The following ZNF428 variants were observed in gnomAD, a reference collection of about 807,000 sequenced individuals.
ZNF428 encodes the protein zinc finger protein 428.
A neutral mutation model predicts 15.6 loss-of-function variants in ZNF428; 5 were observed. The ratio of observed to expected loss-of-function variants is 0.32; its 90% confidence interval spans 0.17 to 0.67. The LOEUF is 0.67. ZNF428 is among the 30% of genes least tolerant of loss of function. The pLI is 0.73. For missense variants in ZNF428, 237 were observed against 256.0 expected (o/e 0.93, Z 0.51); for synonymous variants, 97 against 102.2 (o/e 0.95, Z 0.31).
intron 1 of ZNF428, among the ~76,000 whole-genome samples, chr19:43,618,240 A>T (rs1973393011): frequency 6.6e-6 from 1 of 151,328 alleles, no homozygotes; most frequent in South Asian, 2.1e-4. Flanking sequence ...TCACCGTGTT[A>T]GCCAGGATGA....
intron 1 of ZNF428, among the ~76,000 whole-genome samples, chr19:43,618,636 C>G (rs1332730076): frequency 6.9e-6 from 1 of 144,064 alleles, no homozygotes; most frequent in Non-Finnish European, 1.5e-5. Flanking sequence ...TCTTGAACTC[C>G]TGGTCTCAAG....
rs922841653 is a variant in ZNF428 at position 43,607,443 on chromosome 19, C to G, written c.*174G>C. Reference sequence around the variant, plus strand: ...CACACACACACACACACACTCTGAACCAACACACACAGATACAGATTTTGG... The same window carrying G: ...CACACACACACACACACACTCTGAAGCAACACACACAGATACAGATTTTGG... On this transcript the variant is annotated 3_prime_UTR_variant, in exon 3 of 3. Coordinates refer to ENST00000300811, the MANE Select transcript of ZNF428 (RefSeq NM_182498.4). This position sits in a 1 kb window ranked among gnomAD's most constrained non-coding sequence, Gnocchi z 5.1. 10 of 771,736 alleles carry G rather than the reference C, an allele frequency of 1.3e-5. No individual in the cohort carries two copies. Among genetic ancestry groups the G allele is most frequent in the Admixed American group, 3.2e-5 (1 of 31,018 alleles). 47.8% of individuals were successfully genotyped at this position (771,736 alleles called of 1,614,324 possible).
chr19:43,618,135 C>T (rs923755826), intron 1 of ZNF428, among the ~76,000 whole-genome samples: 1 of 145,150 alleles, frequency 6.9e-6, no homozygotes, highest in African/African-American at 2.6e-5. Flanking sequence ...CCTGGGTTCA[C>T]GCCATTCTCC....
rs139245837 is a variant in ZNF428 at position 43,608,034 on chromosome 19, C to T, written c.150G>A (p.Glu50=). The T allele has an allele frequency of 1.2e-5, 19 of 1,613,746 alleles. No individual in the cohort carries two copies. The African/African-American group carries it at 1.5e-4, about 12-fold the overall frequency. Residue 50 remains glutamate (E), a synonymous_variant, in exon 3 of 3, where the codon GAG becomes GAA. Transcript: ENST00000300811. ...PDSEEEEDEE[E]EEEETTDDPE... is the part of the protein sequence containing the mutation. ...GATCGTCAGTGGTCTCCTCTTCCTC[C>T]TCCTCCTCATCTTCTTCCTCTTCGG...
Position 43,613,329 on chromosome 19 carries a change from G to A in ZNF428, c.76+900C>T, listed in dbSNP as rs1210579058. ...CCCAACAAGCAGAGAGATCACAGCC[G>A]ATCTAGAAGTCCCAACAAGGCGAGA... On this transcript the variant is annotated intron_variant, in intron 2 of 2. Coordinates refer to ENST00000300811, the MANE Select transcript of ZNF428 (RefSeq NM_182498.4). The A allele has an allele frequency of 2.2e-5, 34 of 1,551,028 alleles. No individual in the cohort carries two copies. The highest frequency in any genetic ancestry group is 9.6e-5 in the African/African-American group (7 of 72,932).
At chr19:43,613,915 C>G in intron 2 of ZNF428, 1 of 1,551,652 alleles carries the variant, frequency 6.4e-7, no homozygotes, top group Non-Finnish European at 8.7e-7. Context: ...GATCTAGAAG[C>G]CCCAATAAGC....
chr19:43,609,359 G>GTAGAGAGAGAGAGAGA (rs1555775012), intron 2 of ZNF428, among the ~76,000 whole-genome samples: 2 of 81,762 alleles, frequency 2.4e-5, no homozygotes, highest in African/African-American at 7.3e-5. Flanking sequence ...CTGTGGCCAT[G>GTAGAGAGAGAGAGAGA]GAGAGAGAGA....
intron 1 of ZNF428, among the ~76,000 whole-genome samples, chr19:43,617,698 TTTTG>T (rs1182564501): frequency 1.3e-5 from 2 of 152,190 alleles, no homozygotes; most frequent in Admixed American, 6.5e-5. Flanking sequence ...CAATTAATTT[TTTTG>T]TTTGTTTTTG....
intron 2 of ZNF428, among the ~76,000 whole-genome samples, chr19:43,611,249 G>A (rs1010683352): frequency 7.9e-5 from 12 of 152,090 alleles, no homozygotes; most frequent in African/African-American, 2.9e-4. Context: ...GTGAGTGGAT[G>A]ATAGTGGCCC....
At position 43,612,870 on chromosome 19, in the gene ZNF428, T is replaced by A. The variant is rs1286213344; in HGVS notation, c.76+1359A>T. The stretch of plus-strand genomic sequence containing the variant: ...GTGAAGAGCTACGGTCAGATGATCA[T>A]CCCCAGTAGGGAAAAGAGTTACAGC... On this transcript the variant is annotated intron_variant, in intron 2 of 2. Coordinates refer to ENST00000300811, the MANE Select transcript of ZNF428 (RefSeq NM_182498.4). This position sits in a 1 kb window ranked among gnomAD's most constrained non-coding sequence, Gnocchi z 4.2. 1.0e-5 allele frequency: 16 copies of A among 1,551,368 alleles called. No homozygotes were observed. The highest frequency in any genetic ancestry group is 1.3e-5 in the Non-Finnish European group (15 of 1,146,968).
rs1973249672 is a variant in ZNF428 at position 43,607,416 on chromosome 19, T to C, written c.*201A>G. 1 of 530,912 alleles carries C rather than the reference T, an allele frequency of 1.9e-6. No homozygotes were observed. Among genetic ancestry groups the C allele is most frequent in the African/African-American group, 2.0e-5 (1 of 50,164 alleles). 32.9% of individuals were successfully genotyped at this position (530,912 alleles called of 1,614,324 possible). ...ACACAAACACACACACGGGCGGGAA[T>C]ACACACACACACACACACACTCTGA... On this transcript the variant is annotated 3_prime_UTR_variant, in exon 3 of 3. Coordinates refer to ENST00000300811, the MANE Select transcript of ZNF428 (RefSeq NM_182498.4). This position sits in a 1 kb window ranked among gnomAD's most constrained non-coding sequence, Gnocchi z 5.1.
rs1600088663 is a variant in ZNF428 at position 43,614,358 on chromosome 19, T to C, written c.-54A>G. On this transcript the variant is annotated 5_prime_UTR_variant, in exon 2 of 3. Coordinates refer to ENST00000300811, the MANE Select transcript of ZNF428 (RefSeq NM_182498.4). ...CAGAGCAGCAGCTGAGCAGCGTCCCTCCCCGGCCAGCTCTCCACAGCCACA... is the reference window on the plus strand; with the variant it reads ...CAGAGCAGCAGCTGAGCAGCGTCCCCCCCCGGCCAGCTCTCCACAGCCACA... 6.5e-7 allele frequency: 1 copy of C among 1,539,366 alleles called. No homozygotes were observed. The highest frequency in any genetic ancestry group is 1.4e-5 in the African/African-American group (1 of 72,676).
In ZNF428 at chr19:43,607,918, G is replaced by T; in HGVS notation, c.266C>A (p.Pro89Gln). Residue 89 changes from proline to glutamine, a missense_variant, in exon 3 of 3, where the codon CCG (proline) becomes CAG (glutamine). Pro to Gln is a moderately conservative substitution (Grantham distance 76, BLOSUM62 -1). Coordinates refer to ENST00000300811, the MANE Select transcript of ZNF428 (RefSeq NM_182498.4). This position sits in a 1 kb window ranked among gnomAD's most constrained non-coding sequence, Gnocchi z 5.1. ...GCCACAGAGCTGGCAAGGCTGGGCC[G>T]GGGGCTGGGCTGCACGGGGGGCCCG... ...SRRAPRAAQPPAQPCQLCGRS... is the reference protein window; with the variant it reads ...SRRAPRAAQPQAQPCQLCGRS... The T allele has an allele frequency of 6.4e-7, 1 of 1,570,398 alleles. No homozygotes were observed. The highest frequency in any genetic ancestry group is 8.6e-7 in the Non-Finnish European group (1 of 1,157,772).
At chr19:43,609,882 C>T (rs1973277928) in intron 2 of ZNF428, among the ~76,000 whole-genome samples, 1 of 152,110 alleles carries the variant, frequency 6.6e-6, no homozygotes, top group South Asian at 2.1e-4. Context: ...GTACCAGCTT[C>T]TTCGGCCTTG....
At chr19:43,613,681 T>G (rs767742583) in intron 2 of ZNF428, 9 of 1,550,210 alleles carry the variant, frequency 5.8e-6, no homozygotes, top group Non-Finnish European at 7.8e-6. Flanking sequence ...AAGAGAGAGA[T>G]CACAGACGAT....
Position 43,607,939 on chromosome 19 carries a change from G to GC in ZNF428, c.244dup (p.Ala82GlyfsTer46). ...GGCCGGGGGCTGGGCTGCACGGGGG[G>GC]CCCGGCGGGATGGGCCACCACGGCC... On this transcript the variant is annotated frameshift_variant, in exon 3 of 3. Coordinates refer to ENST00000300811, the MANE Select transcript of ZNF428 (RefSeq NM_182498.4). LOFTEE classifies it high-confidence loss of function. The surrounding 1 kb of genome is among the most constrained non-coding windows in gnomAD (Gnocchi z 5.1). 3 of 1,580,144 alleles carry GC rather than the reference G, an allele frequency of 1.9e-6. No homozygotes were observed. The highest frequency in any genetic ancestry group is 2.6e-6 in the Non-Finnish European group (3 of 1,163,192).
Position 43,612,097 on chromosome 19 carries a change from G to C in ZNF428, c.76+2132C>G. 2.0e-6 allele frequency: 3 copies of C among 1,525,228 alleles called. No individual in the cohort carries two copies. Among genetic ancestry groups the C allele is most frequent in the Non-Finnish European group, 8.9e-7 (1 of 1,124,136 alleles). 94.5% of individuals were successfully genotyped at this position (1,525,228 alleles called of 1,614,324 possible). On this transcript the variant is annotated intron_variant, in intron 2 of 2. Transcript: ENST00000300811. The surrounding 1 kb of genome is among the most constrained non-coding windows in gnomAD (Gnocchi z 4.2). ...GTTTCATGTCTACTGTGACTTCCAGGACCACAAGCCCTTTTGCGCCCACCA... is the reference window on the plus strand; with the variant it reads ...GTTTCATGTCTACTGTGACTTCCAGCACCACAAGCCCTTTTGCGCCCACCA...
rs779920302 is a variant in ZNF428 at position 43,613,081 on chromosome 19, G to A, written c.76+1148C>T. 163 of 1,551,444 alleles carry A rather than the reference G, an allele frequency of 1.1e-4. 1 individual carries two copies. The highest frequency in any genetic ancestry group is 1.7e-4 in the Middle Eastern group (1 of 6,014). On this transcript the variant is annotated intron_variant, in intron 2 of 2. Transcript: ENST00000300811. ...GCAGGGCAAGAAGTCGCACCCGGAA[G>A]GGAATTCTGAGCCAGATGGGAAGAC...
At position 43,609,568 on chromosome 19, in the gene ZNF428, C is replaced by T. The variant is rs945443748; in HGVS notation, c.77-1461G>A. Among the ~76,000 whole-genome samples the T allele has an allele frequency of 2.0e-5, 3 of 151,794 alleles. No homozygotes were observed. The East Asian group carries it at 5.8e-4, about 29-fold the overall frequency. On this transcript the variant is annotated intron_variant, in intron 2 of 2. Transcript: ENST00000300811. The stretch of plus-strand genomic sequence containing the variant: ...CACTCTGGGCAACATGGTGAAACCC[C>T]GTCTCTACTAAAAATACAAAATTTA...
Sources: gnomAD v4.1 joint callset for allele counts (sites outside exome capture counted in the v4.1 genomes callset) on GRCh38, gnomAD v4.1.1 for gene constraint, Gnocchi (gnomAD v3.1) non-coding constraint, MANE v1.5 for transcripts, NCBI Gene and HGNC (gene_info 2026-07-23, HGNC 2026-07-21) for gene names.